Variants in EYA2 observed in about 807,000 individuals in gnomAD.
EYA2 encodes the protein protein phosphatase EYA2.
Under a neutral mutation model 69.2 loss-of-function variants are expected in EYA2, and 31 were observed. That is an observed-to-expected ratio of 0.45 (90% CI 0.34 to 0.60). EYA2 has a LOEUF of 0.60. Among genes scored for constraint, EYA2 ranks in the 20% least tolerant of loss-of-function variants. The probability of loss-of-function intolerance (pLI) is 0.02; values close to 1 mark genes in which losing one functional copy is unlikely to be tolerated. For missense variants in EYA2, 622 were observed against 701.2 expected, an observed-to-expected ratio of 0.89 and a Z score of 1.28; for synonymous variants, 257 against 279.4, an observed-to-expected ratio of 0.92 and a Z score of 0.80.
intron 1 of EYA2, among the ~76,000 whole-genome samples, chr20:46,983,120 A>G (rs1980946647): frequency 6.6e-6 from 1 of 151,998 alleles, no homozygotes; most frequent in African/African-American, 2.4e-5. Flanking sequence ...CAGCATTCTC[A>G]TCTTAAATCA....
At chr20:47,038,859 T>C (rs1465785281) in intron 5 of EYA2, among the ~76,000 whole-genome samples, 2 of 152,078 alleles carry the variant, frequency 1.3e-5, no homozygotes, top group African/African-American at 4.8e-5. Context: ...TCGTACAGTA[T>C]TTGTCTCCTG....
intron 1 of EYA2, among the ~76,000 whole-genome samples, chr20:46,924,945 C>T (rs1296844873): frequency 2.0e-5 from 3 of 152,178 alleles, no homozygotes; most frequent in African/African-American, 7.2e-5. Context: ...TGGAAGTCTC[C>T]AGAGAGCCTG....
chr20:46,967,927 C>G (rs903716165), intron 1 of EYA2, among the ~76,000 whole-genome samples: 1 of 152,172 alleles, frequency 6.6e-6, no homozygotes, highest in African/African-American at 2.4e-5. Flanking sequence ...AACAGAAGCT[C>G]GATCTTATCT....
At chr20:46,929,585 G>A (rs1437341820) in intron 1 of EYA2, among the ~76,000 whole-genome samples, 2 of 152,066 alleles carry the variant, frequency 1.3e-5, no homozygotes, top group South Asian at 2.1e-4. Context: ...AGCAGAGCCC[G>A]GGTGATGATA....
intron 4 of EYA2, 151 bp from the exon 5 acceptor site, chr20:47,016,030 A>T: frequency 1.5e-6 from 1 of 680,360 alleles, no homozygotes; most frequent in South Asian, 1.7e-5. Flanking sequence ...CTATAGGCTC[A>T]CTTTGGCTGA....
intron 8 of EYA2, among the ~76,000 whole-genome samples, chr20:47,093,598 C>T (rs929718615): frequency 1.4e-4 from 21 of 151,982 alleles, no homozygotes; most frequent in African/African-American, 4.1e-4. Flanking sequence ...TGCTGTGGCT[C>T]CCCTCTGTCT....
chr20:47,146,049 C>CT (rs1409666334), intron 10 of EYA2, among the ~76,000 whole-genome samples: 2 of 152,076 alleles, frequency 1.3e-5, no homozygotes, highest in Non-Finnish European at 2.9e-5. Context: ...GCCAAGAGGA[C>CT]TTGCTGATAG....
intron 2 of EYA2, among the ~76,000 whole-genome samples, chr20:46,999,518 A>C (rs58990922): frequency 0.044 from 6,634 of 152,340 alleles, 419 homozygotes; most frequent in African/African-American, 0.14. Context: ...GTGCATGCAC[A>C]CACAACACAT....
chr20:46,988,640 G>A (rs535091087), intron 1 of EYA2, among the ~76,000 whole-genome samples: 2 of 152,270 alleles, frequency 1.3e-5, no homozygotes, highest in South Asian at 2.1e-4. Flanking sequence ...AAATTGCTAC[G>A]CCATGTACAG....
At chr20:47,164,095 A>G (rs2034130561) in intron 10 of EYA2, among the ~76,000 whole-genome samples, 1 of 152,138 alleles carries the variant, frequency 6.6e-6, no homozygotes, top group Non-Finnish European at 1.5e-5. Context: ...TCTGACTTAC[A>G]GTCCCCTCAC....
chr20:47,183,599 T>A (rs2034579667), intron 15 of EYA2, among the ~76,000 whole-genome samples: 1 of 152,160 alleles, frequency 6.6e-6, no homozygotes, highest in African/African-American at 2.4e-5. Context: ...TGCCTCTGGC[T>A]GCTGCCCCTG....
intron 8 of EYA2, among the ~76,000 whole-genome samples, chr20:47,090,654 A>G (rs1423820725): frequency 6.6e-6 from 1 of 152,186 alleles, no homozygotes; most frequent in Non-Finnish European, 1.5e-5. Context: ...CATCTCACAA[A>G]GTTACTTTTT....
At chr20:47,143,248 T>G in intron 10 of EYA2, 100 bp downstream of exon 10, 3 of 1,097,434 alleles carry the variant, frequency 2.7e-6, no homozygotes, top group Non-Finnish European at 3.8e-6. Flanking sequence ...TTTCTTTTTC[T>G]TTTTTTCTCC....
chr20:47,021,001 C>T (rs939202872), intron 5 of EYA2, among the ~76,000 whole-genome samples: 1 of 152,308 alleles, frequency 6.6e-6, no homozygotes, highest in East Asian at 1.9e-4. Flanking sequence ...CTTCTCAGTC[C>T]TCCAGTTTCC....
At chr20:47,172,994 A>AC in intron 12 of EYA2, 127 bp downstream of exon 12, 1 of 994,980 alleles carries the variant, frequency 1.0e-6, no homozygotes, top group Non-Finnish European at 1.4e-6. Context: ...ACTTAATGCA[A>AC]CCCTGACGAC....
At chr20:47,033,180 T>C (rs1984516511) in intron 5 of EYA2, among the ~76,000 whole-genome samples, 1 of 152,006 alleles carries the variant, frequency 6.6e-6, no homozygotes, top group African/African-American at 2.4e-5. Context: ...GTATTTTTGA[T>C]CGCTTAGGAG....
intron 10 of EYA2, among the ~76,000 whole-genome samples, chr20:47,145,762 G>T (rs1206449372): frequency 6.6e-6 from 1 of 152,032 alleles, no homozygotes; most frequent in African/African-American, 2.4e-5. Context: ...TTAGCCAGGT[G>T]TGGTGGCGGG....
intron 15 of EYA2, 103 bp downstream of exon 15, chr20:47,183,494 T>G: frequency 1.0e-6 from 1 of 967,064 alleles, no homozygotes; most frequent in Non-Finnish European, 1.5e-6. Flanking sequence ...CGTGGCTGGC[T>G]GGGTCCTCCT....
At chr20:47,144,075 C>T (rs1053375898) in intron 10 of EYA2, among the ~76,000 whole-genome samples, 40 of 152,238 alleles carry the variant, frequency 2.6e-4, no homozygotes, top group African/African-American at 9.1e-4. Context: ...TAAAGGCAAC[C>T]GGCCGGGCGC....
Sources: allele counts gnomAD v4.1 joint callset (sites outside exome capture counted in the v4.1 genomes callset), GRCh38; gene constraint gnomAD v4.1.1; transcripts MANE v1.5; gene names NCBI Gene and HGNC (gene_info 2026-07-23, HGNC 2026-07-21).